The following RTF1 variants were observed in gnomAD, a reference collection of about 807,000 sequenced individuals.
The protein encoded by RTF1 is RTF1 homolog, Paf1/RNA polymerase II complex component.
Under a neutral mutation model 95.7 loss-of-function variants are expected in RTF1, and 10 were observed. That is an observed-to-expected ratio of 0.10 (90% CI 0.06 to 0.18). The LOEUF (loss-of-function observed/expected upper bound fraction) is 0.18, where lower values mean the gene tolerates loss of function less well. Ranked by LOEUF, RTF1 falls within the 10% of genes least tolerant of loss-of-function variation. RTF1 has a pLI of 1.00. For missense variants in RTF1, 458 were observed against 875.6 expected (o/e 0.52, Z 6.02); for synonymous variants, 305 against 311.8 (o/e 0.98, Z 0.23).
chr15:41,417,360 T>C, intron 1 of RTF1, 47 bp downstream of exon 1: 1 of 1,241,834 alleles, frequency 8.1e-7, no homozygotes, highest in Non-Finnish European at 1.0e-6. Flanking sequence ...CAGAGGGCTG[T>C]CGGGGCCGCG....
At chr15:41,457,612 G>A (rs2050825788) in intron 3 of RTF1, 60 bp from the exon 4 acceptor site, 2 of 1,432,070 alleles carry the variant, frequency 1.4e-6, no homozygotes, top group Admixed American at 3.4e-5. Context: ...ACATTGTGGA[G>A]CCGCTTGTGG....
At chr15:41,460,763 G>A (rs1237400092) in intron 4 of RTF1, among the ~76,000 whole-genome samples, 3 of 151,580 alleles carry the variant, frequency 2.0e-5, no homozygotes, top group South Asian at 2.1e-4. Context: ...GTGTGAACTC[G>A]GCTCACTACA....
chr15:41,468,086 A>C (rs1163347576), intron 6 of RTF1, among the ~76,000 whole-genome samples: 2 of 151,986 alleles, frequency 1.3e-5, no homozygotes, highest in East Asian at 3.9e-4. Context: ...AAATCACTTG[A>C]ACCCGGGAGG....
At chr15:41,460,209 A>G (rs1369620037) in intron 4 of RTF1, among the ~76,000 whole-genome samples, 1 of 146,682 alleles carries the variant, frequency 6.8e-6, no homozygotes, top group Non-Finnish European at 1.5e-5. Flanking sequence ...TGCAACCTCC[A>G]CTTCCTGGGT....
intron 3 of RTF1, among the ~76,000 whole-genome samples, chr15:41,457,254 A>C (rs1469195648): frequency 6.6e-6 from 1 of 151,842 alleles, no homozygotes; most frequent in Non-Finnish European, 1.5e-5. Flanking sequence ...AAGTAAAAAT[A>C]AATAGGCGCA....
In RTF1 at chr15:41,482,647, G is replaced by C. The variant is rs1425381824; in HGVS notation, c.*1960G>C. ...TGGTAGCTGTGACACAGTTCACTTG[G>C]GCAAAGGAGTGGTGATGGACTCGTT... On this transcript the variant is annotated 3_prime_UTR_variant, in exon 18 of 18. Coordinates refer to ENST00000389629, the MANE Select transcript of RTF1 (RefSeq NM_015138.5). The C allele has an allele frequency of 6.6e-6, 1 of 152,530 alleles. No homozygotes were observed. Among genetic ancestry groups the C allele is most frequent in the East Asian group, 1.9e-4 (1 of 5,200 alleles). The allele number at this position is 152,530 out of a possible 1,614,324, so 9.4% of individuals were successfully genotyped here. A position where few individuals can be genotyped will look rare whatever the true frequency, so the allele number is the denominator to read the frequency against.
intron 2 of RTF1, 82 bp from the exon 3 acceptor site, chr15:41,452,819 C>G: frequency 2.0e-6 from 2 of 1,003,868 alleles, no homozygotes; most frequent in Non-Finnish European, 2.8e-6. Context: ...ATGCCAGAGA[C>G]TCTTAACTCT....
At chr15:41,440,179 A>T (rs1163161570) in intron 2 of RTF1, 1 of 150,044 alleles carries the variant, frequency 6.7e-6, no homozygotes, top group East Asian at 2.0e-4. Context: ...CTGTAGTGAT[A>T]ATTTCTTTCT....
intron 1 of RTF1, among the ~76,000 whole-genome samples, chr15:41,419,408 G>GT (rs902707392): frequency 1.3e-5 from 2 of 152,150 alleles, no homozygotes; most frequent in Non-Finnish European, 2.9e-5. Context: ...CTCACAACTA[G>GT]TAAGTGGTAG....
In RTF1 at chr15:41,475,806, A is replaced by C; in HGVS notation, c.1469A>C (p.Gln490Pro). The stretch of plus-strand genomic sequence containing the variant: ...GCTCTTAATTATAAATTCAATGATC[A>C]GGACATTGAAGAGGTAAGAAAACTG... Reference protein sequence around the residue: ...KEALNYKFNDQDIEEIVKEKE... With the variant: ...KEALNYKFNDPDIEEIVKEKE... The change falls in exon 11 of 18, where the codon CAG becomes CCG. Residue 490 changes from glutamine (Q) to proline (P), a missense_variant. Physicochemically the swap from Gln to Pro is moderately conservative, Grantham distance 76 (BLOSUM62 -1). Coordinates refer to ENST00000389629, the MANE Select transcript of RTF1 (RefSeq NM_015138.5). 6.5e-7 allele frequency: 1 copy of C among 1,548,894 alleles called. No homozygotes were observed. Among genetic ancestry groups the C allele is most frequent in the Non-Finnish European group, 8.8e-7 (1 of 1,129,996 alleles).
chr15:41,471,394 A>G (rs914121585), intron 8 of RTF1, 45 bp downstream of exon 8: 3 of 1,563,578 alleles, frequency 1.9e-6, no homozygotes, highest in South Asian at 1.2e-5. Flanking sequence ...TTTCAGTATA[A>G]TTAGTCTCAA....
intron 2 of RTF1, among the ~76,000 whole-genome samples, chr15:41,451,977 C>T (rs1427723176): frequency 6.6e-6 from 1 of 151,766 alleles, no homozygotes; most frequent in East Asian, 1.9e-4. Flanking sequence ...GTGAGAGGAT[C>T]ACTTGAGCCC....
chr15:41,440,624 G>C (rs975048155), intron 2 of RTF1, among the ~76,000 whole-genome samples: 15 of 151,478 alleles, frequency 9.9e-5, no homozygotes, highest in African/African-American at 3.4e-4. Context: ...CAAGTAGCTG[G>C]GACTGCAGGC....
chr15:41,447,545 A>G (rs1218628044), intron 2 of RTF1, among the ~76,000 whole-genome samples: 9 of 152,212 alleles, frequency 5.9e-5, no homozygotes, highest in Admixed American at 3.9e-4. Context: ...GATCTCTGTT[A>G]TTAGGAAGAA....
chr15:41,479,629 G>A (rs552012095), intron 16 of RTF1, among the ~76,000 whole-genome samples: 1 of 152,270 alleles, frequency 6.6e-6, no homozygotes, highest in East Asian at 1.9e-4. Flanking sequence ...GGGAGGCGGA[G>A]GTGGGCGGAT....
chr15:41,436,779 G>A (rs1182810059), intron 1 of RTF1, among the ~76,000 whole-genome samples: 6 of 152,002 alleles, frequency 3.9e-5, no homozygotes, highest in Admixed American at 2.0e-4. Context: ...GGGCAACAGA[G>A]TGAGTCTCTG....
chr15:41,439,019 A>G (rs1387989053), intron 2 of RTF1, among the ~76,000 whole-genome samples: 1 of 102,604 alleles, frequency 9.7e-6, no homozygotes, highest in African/African-American at 3.9e-5. Context: ...CAGTAATCCT[A>G]TTTTTTCTTT....
intron 6 of RTF1, among the ~76,000 whole-genome samples, chr15:41,467,088 C>A (rs1485351232): frequency 6.6e-6 from 1 of 152,096 alleles, no homozygotes; most frequent in Non-Finnish European, 1.5e-5. Context: ...TAGCTCTTAC[C>A]ACAATAATGT....
chr15:41,464,713 G>C lies in RTF1; in HGVS notation c.663-58G>C, dbSNP rs1215618778. 3 of 1,408,756 alleles carry C rather than the reference G, an allele frequency of 2.1e-6. No individual in the cohort carries two copies. The African/African-American group carries it at 4.4e-5, about 20-fold the overall frequency. 87.3% of individuals were successfully genotyped at this position (1,408,756 alleles called of 1,614,324 possible). A position where few individuals can be genotyped will look rare whatever the true frequency, so the allele number is the denominator to read the frequency against. ...CTTAGTTCCTTTCTCCTATCTAATAGAAATCAGTTTTTATATACATTTCAT... is the reference window on the plus strand; with the variant it reads ...CTTAGTTCCTTTCTCCTATCTAATACAAATCAGTTTTTATATACATTTCAT... On this transcript the variant is annotated intron_variant, in intron 4 of 17. Transcript: ENST00000389629.
Sources: gnomAD v4.1 joint callset for allele counts (sites outside exome capture counted in the v4.1 genomes callset) on GRCh38, gnomAD v4.1.1 for gene constraint, MANE v1.5 for transcripts, NCBI Gene and HGNC (gene_info 2026-07-23, HGNC 2026-07-21) for gene names.